The following CSMD3 variants were observed in gnomAD, a reference collection of about 807,000 sequenced individuals.
The protein encoded by CSMD3 is CUB and sushi domain-containing protein 3.
A neutral mutation model predicts 435.2 loss-of-function variants in CSMD3; 177 were observed. The observed-to-expected ratio is 0.41, with a 90% CI of 0.36 to 0.46. The LOEUF is 0.46. Ranked by LOEUF, CSMD3 falls within the 20% of genes least tolerant of loss-of-function variation. The pLI, the probability that CSMD3 is intolerant of heterozygous loss-of-function variation, is 0.34. For missense variants in CSMD3, 4,265 were observed against 4,504.6 expected, an observed-to-expected ratio of 0.95 and a Z score of 1.52; for synonymous variants, 1,656 against 1,520.5, an observed-to-expected ratio of 1.09 and a Z score of -2.07.
In CSMD3 at chr8:113,110,309, T is replaced by C. The variant is rs569993588; in HGVS notation, c.710-11346A>G. 2.6e-5 allele frequency among the ~76,000 whole-genome samples: 4 copies of C among 152,302 alleles called. No individual in the cohort carries two copies. In the East Asian group the frequency reaches 5.8e-4, roughly 22 times the overall value. On this transcript the variant is annotated intron_variant, in intron 4 of 70. Coordinates refer to ENST00000297405, the MANE Select transcript of CSMD3 (RefSeq NM_198123.2). ...TTCCATCTTTCTATCATTTCTTTCT[T>C]TTCCTATTTTATTATAAGCTTCAAG...
chr8:112,432,733 C>G (rs529017184), intron 32 of CSMD3, among the ~76,000 whole-genome samples: 1 of 152,016 alleles, frequency 6.6e-6, no homozygotes, highest in Non-Finnish European at 1.5e-5. Context: ...TAAGTATGAA[C>G]CGGTTTGGGA....
chr8:112,827,183 A>G (rs2079717560), intron 12 of CSMD3, among the ~76,000 whole-genome samples: 1 of 81,938 alleles, frequency 1.2e-5, no homozygotes, highest in Admixed American at 1.1e-4. Context: ...ATATATATAT[A>G]TATATATATA....
intron 3 of CSMD3, among the ~76,000 whole-genome samples, chr8:113,198,227 T>C (rs1263132186): frequency 1.3e-5 from 2 of 151,416 alleles, no homozygotes; most frequent in Non-Finnish European, 3.0e-5. Context: ...GCTCCAACTT[T>C]TGTATATGTA....
chr8:112,323,109 T>C (rs1286762962), intron 45 of CSMD3, among the ~76,000 whole-genome samples: 1 of 151,594 alleles, frequency 6.6e-6, no homozygotes, highest in East Asian at 1.9e-4. Flanking sequence ...TTGAACTATG[T>C]AATTTTGAAT....
At chr8:113,267,639 T>A (rs903576199) in intron 3 of CSMD3, among the ~76,000 whole-genome samples, 1 of 151,434 alleles carries the variant, frequency 6.6e-6, no homozygotes, top group Non-Finnish European at 1.5e-5. Context: ...GGTTAAAGGG[T>A]ACAAACTTAA....
At chr8:112,688,747 G>A (rs1236564685) in intron 14 of CSMD3, among the ~76,000 whole-genome samples, 1 of 151,452 alleles carries the variant, frequency 6.6e-6, no homozygotes, top group African/African-American at 2.4e-5. Flanking sequence ...ATTATTAATC[G>A]CTACATTTTT....
At chr8:113,212,328 T>C (rs2092846565) in intron 3 of CSMD3, among the ~76,000 whole-genome samples, 1 of 152,166 alleles carries the variant, frequency 6.6e-6, no homozygotes, top group Non-Finnish European at 1.5e-5. Flanking sequence ...ATCTCTTCAG[T>C]AGCAAAAGAA....
intron 1 of CSMD3, among the ~76,000 whole-genome samples, chr8:113,375,505 A>G (rs1161958100): frequency 1.5e-5 from 2 of 131,700 alleles, no homozygotes; most frequent in African/African-American, 6.4e-5. Flanking sequence ...AAAGCCAAAG[A>G]CTATTTAATA....
chr8:112,255,451 T>A (rs375121353), intron 61 of CSMD3, 24 bp from the exon 62 acceptor site: 7 of 1,610,800 alleles, frequency 4.3e-6, no homozygotes, highest in Non-Finnish European at 5.9e-6. Context: ...GAAAGACGCT[T>A]ATATCAAAGA....
rs569406537 is a variant in CSMD3 at position 112,449,582 on chromosome 8, T to G, written c.5395+23009A>C. 2.0e-5 allele frequency among the ~76,000 whole-genome samples: 3 copies of G among 152,324 alleles called. No homozygotes were observed. In the East Asian group the frequency reaches 5.8e-4, roughly 29 times the overall value. ...TGCCCTTTGCAAATCCCAATTTTAT[T>G]CCTTTGAATTTTCTAATGTGCAATC... On this transcript the variant is annotated intron_variant, in intron 32 of 70. Transcript: ENST00000297405.
intron 4 of CSMD3, among the ~76,000 whole-genome samples, chr8:113,121,194 C>T (rs548894725): frequency 5.3e-5 from 8 of 152,030 alleles, no homozygotes; most frequent in Non-Finnish European, 1.2e-4. Context: ...GCTGCTCAAT[C>T]CCCAAAGGAA....
At chr8:113,092,753 T>C (rs560018231) in intron 5 of CSMD3, among the ~76,000 whole-genome samples, 3 of 152,174 alleles carry the variant, frequency 2.0e-5, no homozygotes, top group African/African-American at 7.2e-5. Flanking sequence ...GTCAAATAAA[T>C]GGATCCTGAG....
At chr8:112,649,891 T>G (rs943404888) in intron 19 of CSMD3, among the ~76,000 whole-genome samples, 5 of 152,170 alleles carry the variant, frequency 3.3e-5, no homozygotes, top group Non-Finnish European at 7.4e-5. Context: ...CACAGCATGT[T>G]CTTAAAATAG....
chr8:112,639,640 G>A (rs2074763823), intron 20 of CSMD3, among the ~76,000 whole-genome samples: 1 of 152,058 alleles, frequency 6.6e-6, no homozygotes, highest in African/African-American at 2.4e-5. Flanking sequence ...TAATGTTGCT[G>A]CTTTGTATAT....
intron 1 of CSMD3, among the ~76,000 whole-genome samples, chr8:113,365,593 T>C (rs2094305993): frequency 3.9e-5 from 6 of 152,072 alleles, no homozygotes; most frequent in Admixed American, 3.9e-4. Context: ...TTATGTACAT[T>C]TTAATTCAAT....
chr8:113,421,102 T>A, intron 1 of CSMD3, among the ~76,000 whole-genome samples: 1 of 152,062 alleles, frequency 6.6e-6, no homozygotes, highest in Middle Eastern at 3.4e-3. Flanking sequence ...AAGAAGATAA[T>A]TTAAACAAAT....
At chr8:112,254,347 A>T in intron 62 of CSMD3, 21 bp from the exon 63 acceptor site, 1 of 1,543,562 alleles carries the variant, frequency 6.5e-7, no homozygotes, top group Non-Finnish European at 9.0e-7. Context: ...GATTAAAAAG[A>T]TATTAGTCCT....
chr8:113,041,285 T>G (rs907976318), intron 5 of CSMD3, among the ~76,000 whole-genome samples: 3 of 151,760 alleles, frequency 2.0e-5, no homozygotes, highest in African/African-American at 7.3e-5. Context: ...GGGTCCTACC[T>G]TGTACCCCTC....
chr8:113,089,268 T>C (rs1380510498), intron 5 of CSMD3, among the ~76,000 whole-genome samples: 3 of 152,296 alleles, frequency 2.0e-5, no homozygotes, highest in African/African-American at 7.2e-5. Context: ...CCTGGAACAA[T>C]GGAAGAATCT....
Sources: allele counts gnomAD v4.1 joint callset (sites outside exome capture counted in the v4.1 genomes callset), GRCh38; gene constraint gnomAD v4.1.1; transcripts MANE v1.5; gene names NCBI Gene and HGNC (gene_info 2026-07-23, HGNC 2026-07-21).